Variants in CDH13 observed in about 807,000 individuals in gnomAD.
CDH13 encodes the protein cadherin 13.
In CDH13, 24 loss-of-function variants were observed where a neutral mutation model predicts 63.8. That is an observed-to-expected ratio of 0.38 (90% CI 0.27 to 0.53). CDH13 has a LOEUF of 0.53. CDH13 is among the 20% of genes least tolerant of loss of function. The pLI is 0.85. For missense variants in CDH13, 1,049 were observed against 903.1 expected, an observed-to-expected ratio of 1.16 and a Z score of -2.07; for synonymous variants, 503 against 355.3, an observed-to-expected ratio of 1.42 and a Z score of -4.67.
intron 1 of CDH13, among the ~76,000 whole-genome samples, chr16:82,834,348 C>T (rs1055407468): frequency 1.3e-5 from 2 of 152,106 alleles, no homozygotes; most frequent in African/African-American, 4.8e-5. Context: ...ACGAGGAGGC[C>T]CCTAAACATG....
chr16:82,936,145 T>A (rs2042660667), intron 2 of CDH13, among the ~76,000 whole-genome samples: 1 of 152,202 alleles, frequency 6.6e-6, no homozygotes, highest in Non-Finnish European at 1.5e-5. Flanking sequence ...AGCTGCCATC[T>A]TGAACATGTC....
At chr16:83,203,661 CAAA>C (rs61444893) in intron 4 of CDH13, among the ~76,000 whole-genome samples, 27 of 84,136 alleles carry the variant, frequency 3.2e-4, no homozygotes, top group African/African-American at 1.2e-3. Context: ...GACTCCATCT[CAAA>C]AAAAAAAAAA....
chr16:82,764,234 T>A (rs11859524), intron 1 of CDH13, among the ~76,000 whole-genome samples: 1 of 152,202 alleles, frequency 6.6e-6, no homozygotes, highest in Non-Finnish European at 1.5e-5. Flanking sequence ...ACTGCAACTT[T>A]TGAATTGTCA....
chr16:83,346,864 G>C (rs2090850932), intron 6 of CDH13, among the ~76,000 whole-genome samples: 1 of 152,092 alleles, frequency 6.6e-6, no homozygotes, highest in African/African-American at 2.4e-5. Context: ...TATTCAGTTA[G>C]AGACAGTTCT....
At chr16:83,257,857 A>G (rs1359579216) in intron 5 of CDH13, among the ~76,000 whole-genome samples, 6 of 152,186 alleles carry the variant, frequency 3.9e-5, no homozygotes, top group Admixed American at 1.3e-4. Context: ...ATCTTCCACA[A>G]TGGTTAAACT....
chr16:83,598,060 A>G (rs1907440502), intron 7 of CDH13, among the ~76,000 whole-genome samples: 1 of 152,222 alleles, frequency 6.6e-6, no homozygotes, highest in African/African-American at 2.4e-5. Flanking sequence ...AAATAGATGC[A>G]TAAACTAGTT....
At chr16:83,602,384 C>T in intron 7 of CDH13, 70 bp from the exon 8 acceptor site, 3 of 1,524,348 alleles carry the variant, frequency 2.0e-6, no homozygotes, top group East Asian at 2.2e-5. Flanking sequence ...CAGCAACACG[C>T]CTGCCACCTT....
chr16:82,640,312 C>G (rs1195129485), intron 1 of CDH13, among the ~76,000 whole-genome samples: 2 of 152,142 alleles, frequency 1.3e-5, no homozygotes, highest in African/African-American at 2.4e-5. Flanking sequence ...GCATTTTTGT[C>G]TTCACTGATA....
chr16:82,679,168 C>T (rs1029686595), intron 1 of CDH13, among the ~76,000 whole-genome samples: 8 of 152,188 alleles, frequency 5.3e-5, no homozygotes, highest in African/African-American at 1.9e-4. Flanking sequence ...ATGTGTCATC[C>T]TGCAGGTTCT....
In CDH13 at chr16:83,403,762, C is replaced by G. The variant is rs2092003260; in HGVS notation, c.781+58756C>G. Reference sequence around the variant, plus strand: ...GACATCCTGTTGTGATGGAGAACATCATAAAGCTCCTCCACCAACATGGAA... The same window carrying G: ...GACATCCTGTTGTGATGGAGAACATGATAAAGCTCCTCCACCAACATGGAA... On this transcript the variant is annotated intron_variant, in intron 6 of 13. Coordinates refer to ENST00000567109, the MANE Select transcript of CDH13 (RefSeq NM_001257.5). Among the ~76,000 whole-genome samples the G allele has an allele frequency of 5.3e-5, 8 of 152,266 alleles. No homozygotes were observed. The South Asian group carries it at 1.7e-3, about 32-fold the overall frequency.
At position 82,991,649 on chromosome 16, in the gene CDH13, C is replaced by G. The variant is rs566408705; in HGVS notation, c.158-40361C>G. 7.9e-4 allele frequency among the ~76,000 whole-genome samples: 121 copies of G among 152,260 alleles called. 1 individual carries two copies. The highest frequency in any genetic ancestry group is 2.8e-3 in the African/African-American group (115 of 41,552). On this transcript the variant is annotated intron_variant, in intron 2 of 13. Transcript: ENST00000567109. ...TCAAATAAGTGATCAAAGGGCAAGT[C>G]ATGATCTGAAAGCATGGTAATCTCA...
intron 5 of CDH13, among the ~76,000 whole-genome samples, chr16:83,306,301 A>G (rs1458210239): frequency 2.6e-5 from 4 of 152,166 alleles, no homozygotes; most frequent in African/African-American, 9.7e-5. Context: ...TTGGATCCCC[A>G]GTGTGGGGGT....
chr16:83,204,628 C>T (rs562654009), intron 4 of CDH13, among the ~76,000 whole-genome samples: 99 of 152,264 alleles, frequency 6.5e-4, no homozygotes, highest in Non-Finnish European at 6.5e-4. Flanking sequence ...GATGCAGATG[C>T]GTTTTTATGT....
chr16:83,176,860 C>T (rs111509326), intron 4 of CDH13, among the ~76,000 whole-genome samples: 18 of 152,070 alleles, frequency 1.2e-4, no homozygotes, highest in Non-Finnish European at 2.5e-4. Context: ...TAAGTCTGAG[C>T]GAGCCCTTAG....
At chr16:83,344,054 C>G (rs1468820589) in intron 5 of CDH13, among the ~76,000 whole-genome samples, 5 of 152,146 alleles carry the variant, frequency 3.3e-5, no homozygotes, top group Non-Finnish European at 5.9e-5. Context: ...TGCAGATGCC[C>G]TTTTCTGATC....
chr16:83,007,296 G>A (rs375040695), intron 2 of CDH13, among the ~76,000 whole-genome samples: 1 of 152,178 alleles, frequency 6.6e-6, no homozygotes, highest in South Asian at 2.1e-4. Context: ...CGTGACAGGT[G>A]ATCTATGAAT....
chr16:83,555,441 G>A (rs1426882810), intron 7 of CDH13, among the ~76,000 whole-genome samples: 1 of 152,148 alleles, frequency 6.6e-6, no homozygotes, highest in Admixed American at 6.5e-5. Flanking sequence ...TTTGAGAAGT[G>A]CTGTCTTAAA....
At chr16:82,922,430 T>C (rs543554665) in intron 2 of CDH13, among the ~76,000 whole-genome samples, 138 of 152,222 alleles carry the variant, frequency 9.1e-4, no homozygotes, top group Non-Finnish European at 1.6e-3. Context: ...CTCAGATTAG[T>C]GTATAGAAGT....
At chr16:83,613,840 ATT>A (rs34741450) in intron 8 of CDH13, among the ~76,000 whole-genome samples, 1 of 151,878 alleles carries the variant, frequency 6.6e-6, no homozygotes, top group African/African-American at 2.4e-5. Context: ...CTCAAAAAAA[ATT>A]TTTTTTAATT....
Sources: allele counts gnomAD v4.1 joint callset (sites outside exome capture counted in the v4.1 genomes callset), GRCh38; gene constraint gnomAD v4.1.1; transcripts MANE v1.5; gene names NCBI Gene and HGNC (gene_info 2026-07-23, HGNC 2026-07-21).